The following SFTPC variants were observed in gnomAD, a reference collection of about 807,000 sequenced individuals.
SFTPC encodes the protein BRICHOS domain containing 6.
In SFTPC, 12 loss-of-function variants were observed where a neutral mutation model predicts 19.9. That is an observed-to-expected ratio of 0.60 (90% CI 0.39 to 0.98). The LOEUF is 0.98. SFTPC is among the 50% of genes least tolerant of loss of function. The probability of loss-of-function intolerance (pLI) is 0.00; values close to 1 mark genes in which losing one functional copy is unlikely to be tolerated. For synonymous variants in SFTPC, 123 were observed against 103.3 expected, an observed-to-expected ratio of 1.19 and a Z score of -1.16; for missense variants, 219 against 252.2, an observed-to-expected ratio of 0.87 and a Z score of 0.89.
At chr8:22,162,017 C>G (rs1742752350) in intron 1 of SFTPC, 147 bp downstream of exon 1, 1 of 878,900 alleles carries the variant, frequency 1.1e-6, no homozygotes, top group African/African-American at 1.7e-5. Context: ...GATGGGGACA[C>G]CAAGACCACT....
chr8:22,164,101 G>C (rs997622773), intron 5 of SFTPC, 42 bp downstream of exon 5: 10 of 1,609,826 alleles, frequency 6.2e-6, no homozygotes, highest in African/African-American at 1.3e-5. Flanking sequence ...AGGAGCGCTC[G>C]GGCCACCTGC....
rs376399274 is a variant in SFTPC, at chr8:22,162,574, G to A, written c.43G>A (p.Asp15Asn). The change falls in exon 2 of 6, where the codon GAC (aspartate) becomes AAC (asparagine). Residue 15 changes from aspartate (D) to asparagine (N), a missense_variant and splice_region_variant. Physicochemically the swap from Asp to Asn is conservative, Grantham distance 23. Coordinates refer to ENST00000679463, the MANE Select transcript of SFTPC (RefSeq NM_001317778.2). ...SKEVLMESPP[D>N]YSAAPRGRFG... ...CTCCTTGCCTGCCCCACCGTGTCAG[G>A]ACTACTCCGCAGCTCCCCGGGGCCG... 1 of 1,613,638 alleles carries A rather than the reference G, an allele frequency of 6.2e-7. No homozygotes were observed. Among genetic ancestry groups the A allele is most frequent in the South Asian group, 1.1e-5 (1 of 91,042 alleles).
upstream of SFTPC, chr8:22,159,898 G>A: frequency 1.6e-6 from 2 of 1,233,130 alleles, no homozygotes; most frequent in African/African-American, 3.1e-5. Context: ...GATGATGGGG[G>A]CGGGAGTAAG....
intron 1 of SFTPC, among the ~76,000 whole-genome samples, chr8:22,162,204 G>A (rs8192322): frequency 1.7e-3 from 258 of 152,252 alleles, no homozygotes; most frequent in African/African-American, 5.9e-3. Flanking sequence ...GAGCTCGCCC[G>A]GTGGAGAAGG....
At chr8:22,162,820 G>A (rs1187649066) in intron 2 of SFTPC, 88 bp downstream of exon 2, 5 of 1,529,804 alleles carry the variant, frequency 3.3e-6, no homozygotes, top group Non-Finnish European at 4.5e-6. Context: ...CTGTCCAAGG[G>A]GAGTGGAGGG....
At position 22,163,066 on chromosome 8, in the gene SFTPC, T is replaced by C. The variant is rs749741633; in HGVS notation, c.202-14T>C. On this transcript the variant is annotated splice_polypyrimidine_tract_variant and intron_variant, in intron 2 of 5. Coordinates refer to ENST00000679463, the MANE Select transcript of SFTPC (RefSeq NM_001317778.2). ...GAAAGGGGAAGACCAGGTGGCTCCA[T>C]GCCCTTTCCCCAGGTTCTGGAGATG... is the stretch of plus-strand genomic sequence containing the variant. 26 of 1,613,796 alleles carry C rather than the reference T, an allele frequency of 1.6e-5. No homozygotes were observed. Among genetic ancestry groups the C allele is most frequent in the African/African-American group, 1.2e-4 (9 of 74,926 alleles).
At chr8:22,162,995 G>A in intron 2 of SFTPC, 85 bp from the exon 3 acceptor site, 2 of 1,579,958 alleles carry the variant, frequency 1.3e-6, no homozygotes. Context: ...AAGCGCATTT[G>A]AGTACAGAGG....
At chr8:22,159,687 C>G, upstream of SFTPC, 6 of 884,966 alleles carry the variant, frequency 6.8e-6, no homozygotes, top group Non-Finnish European at 9.7e-6. Context: ...AAAGAGATCC[C>G]TCTCCCAGCA....
At chr8:22,159,929 G>T (rs1827648467), upstream of SFTPC, 1 of 918,314 alleles carries the variant, frequency 1.1e-6, no homozygotes, top group South Asian at 1.4e-5. Context: ...GAGGGCAGGG[G>T]TGGGCACTGC....
chr8:22,164,025 C>G lies in SFTPC; in HGVS notation c.560C>G (p.Pro187Arg), dbSNP rs1256943821. 6.2e-7 allele frequency: 1 copy of G among 1,611,992 alleles called. No individual in the cohort carries two copies. Among genetic ancestry groups the G allele is most frequent in the Non-Finnish European group, 8.5e-7 (1 of 1,180,026 alleles). The change falls in exon 5 of 6, where the codon CCG (proline) becomes CGG (arginine). Residue 187 changes from proline (P) to arginine (R), a missense_variant. Transcript: ENST00000679463. ...MAVSTLCGEV[P>R]LYYI ...GTGAGCACCCTGTGTGGCGAGGTGC[C>G]GCTCTACTACATCTAGGACGCCTCC...
intron 2 of SFTPC, 144 bp from the exon 3 acceptor site, chr8:22,162,936 C>T (rs1048007075): frequency 1.5e-6 from 2 of 1,367,990 alleles, no homozygotes; most frequent in Non-Finnish European, 2.0e-6. Flanking sequence ...AGCCAGCTCC[C>T]TCCAGCACCT....
At chr8:22,163,609 C>T (rs768543107) in intron 4 of SFTPC, 63 bp downstream of exon 4, 7 of 1,149,438 alleles carry the variant, frequency 6.1e-6, no homozygotes, top group Admixed American at 1.8e-5. Flanking sequence ...GAGGAGTGTC[C>T]GAATGGTGGC....
At position 22,163,154 on chromosome 8, in the gene SFTPC, C is replaced by T; in HGVS notation, c.276C>T (p.Ala92=). ...LALSEHLVTT[A]TFSIGSTGLV... The stretch of plus-strand genomic sequence containing the variant: ...TGAGTGAGCACCTGGTTACCACTGC[C>T]ACCTTCTCCATCGGCTCCACTGGCC... The change falls in exon 3 of 6, where the codon GCC becomes GCT. Residue 92 remains alanine, a synonymous_variant. Transcript: ENST00000679463. 6.2e-7 allele frequency: 1 copy of T among 1,614,180 alleles called. No individual in the cohort carries two copies. The highest frequency in any genetic ancestry group is 1.1e-5 in the South Asian group (1 of 91,084).
chr8:22,159,439 C>T (rs1488431057), upstream of SFTPC: 3 of 297,670 alleles, frequency 1.0e-5, no homozygotes, highest in African/African-American at 2.3e-5. Flanking sequence ...ATTTGGCACA[C>T]CCAGCTAAAG....
chr8:22,163,120 GC>G lies in SFTPC; in HGVS notation c.244del (p.Leu82TrpfsTer3), dbSNP rs1827828159. ...MSIGAPEAQQ[R>X]LALSEHLVTT... ...ATTGGGGCGCCGGAAGCCCAGCAAC[GC>G]CTGGCCCTGAGTGAGCACCTGGTTA... is the stretch of plus-strand genomic sequence containing the variant. On this transcript the variant is annotated frameshift_variant, in exon 3 of 6. Coordinates refer to ENST00000679463, the MANE Select transcript of SFTPC (RefSeq NM_001317778.2). LOFTEE classifies it high-confidence loss of function. 3.7e-6 allele frequency: 6 copies of G among 1,614,138 alleles called. No homozygotes were observed. In the East Asian group the frequency reaches 1.3e-4, roughly 36 times the overall value.
chr8:22,161,170 A>G (rs139003518), upstream of SFTPC, among the ~76,000 whole-genome samples: 121 of 152,354 alleles, frequency 7.9e-4, 1 homozygote, highest in Non-Finnish European at 1.5e-3. Context: ...AGTTTCCAGA[A>G]TTAGGAAAAT....
At chr8:22,162,166 A>G (rs1400598630) in intron 1 of SFTPC, among the ~76,000 whole-genome samples, 2 of 152,148 alleles carry the variant, frequency 1.3e-5, no homozygotes, top group East Asian at 3.9e-4. Flanking sequence ...GAGAAAAACC[A>G]CATACGAGCT....
upstream of SFTPC, among the ~76,000 whole-genome samples, chr8:22,160,084 A>C (rs1827655055): frequency 6.6e-6 from 1 of 152,168 alleles, no homozygotes; most frequent in South Asian, 2.1e-4. Flanking sequence ...TCTTAGGCAA[A>C]TATTTAAAGG....
In SFTPC at chr8:22,162,645, CG is replaced by C. The variant is rs1827793776; in HGVS notation, c.115del (p.Val39TrpfsTer11). ...CPVHLKRLLI[V>X]VVVVVLIVVV... ...CAGTGCACCTGAAACGCCTTCTTAT[CG>C]TGGTGGTGGTGGTGGTCCTCATCGT... On this transcript the variant is annotated frameshift_variant, in exon 2 of 6. Coordinates refer to ENST00000679463, the MANE Select transcript of SFTPC (RefSeq NM_001317778.2). LOFTEE classifies it high-confidence loss of function. 3.1e-6 allele frequency: 5 copies of C among 1,613,962 alleles called. No individual in the cohort carries two copies. The highest frequency in any genetic ancestry group is 3.4e-6 in the Non-Finnish European group (4 of 1,179,964).
Sources: gnomAD v4.1 joint callset for allele counts (sites outside exome capture counted in the v4.1 genomes callset) on GRCh38, gnomAD v4.1.1 for gene constraint, MANE v1.5 for transcripts, NCBI Gene and HGNC (gene_info 2026-07-23, HGNC 2026-07-21) for gene names.